Variants in TBC1D1 observed in about 807,000 individuals in gnomAD.
The protein encoded by TBC1D1 is TBC1 (tre-2/USP6, BUB2, cdc16) domain family, member 1.
Under a neutral mutation model 125.6 loss-of-function variants are expected in TBC1D1, and 89 were observed. That is an observed-to-expected ratio of 0.71 (90% CI 0.60 to 0.85). The LOEUF is 0.85. Ranked by LOEUF, TBC1D1 falls within the 40% of genes least tolerant of loss-of-function variation. The pLI is 0.00. For missense variants in TBC1D1, 1,377 were observed against 1,469.2 expected (o/e 0.94, Z 1.03); for synonymous variants, 565 against 564.1 (o/e 1.00, Z -0.02).
chr4:38,072,136 A>G (rs1477103044), intron 12 of TBC1D1, among the ~76,000 whole-genome samples: 4 of 152,336 alleles, frequency 2.6e-5, no homozygotes, highest in Admixed American at 2.6e-4. Flanking sequence ...TGCATAATGA[A>G]TGAGAGCTGG....
At chr4:38,111,982 CAT>C in intron 15 of TBC1D1, 1 of 985,318 alleles carries the variant, frequency 1.0e-6, no homozygotes, top group Non-Finnish European at 1.2e-6. Flanking sequence ...TTGGGAGTCT[CAT>C]AGAACACACT....
At chr4:38,067,637 A>G (rs969842473) in intron 12 of TBC1D1, among the ~76,000 whole-genome samples, 2 of 152,164 alleles carry the variant, frequency 1.3e-5, no homozygotes, top group African/African-American at 4.8e-5. Context: ...TCTGCCTGGC[A>G]CTGCTTGCCA....
chr4:37,913,888 A>G (rs1040531985), intron 2 of TBC1D1, among the ~76,000 whole-genome samples: 2 of 152,008 alleles, frequency 1.3e-5, no homozygotes, highest in African/African-American at 4.8e-5. Flanking sequence ...TGTGAGATAT[A>G]GTGGTCCCTT....
At chr4:38,110,979 C>G (rs1246801524) in intron 15 of TBC1D1, among the ~76,000 whole-genome samples, 1 of 152,214 alleles carries the variant, frequency 6.6e-6, no homozygotes, top group Non-Finnish European at 1.5e-5. Flanking sequence ...AGTAAACAGT[C>G]TTTTGCTCAT....
At chr4:37,915,356 AC>A (rs1302526950) in intron 2 of TBC1D1, among the ~76,000 whole-genome samples, 9 of 152,178 alleles carry the variant, frequency 5.9e-5, no homozygotes, top group Non-Finnish European at 1.0e-4. Context: ...CAAGCTGGAT[AC>A]CCAGGTAAGC....
At chr4:38,084,030 C>T (rs1228821319) in intron 12 of TBC1D1, among the ~76,000 whole-genome samples, 2 of 151,486 alleles carry the variant, frequency 1.3e-5, no homozygotes, top group Non-Finnish European at 2.9e-5. Context: ...CTCCGCCTCC[C>T]GGGTTCATGC....
At chr4:38,013,178 T>G (rs892211661) in intron 2 of TBC1D1, among the ~76,000 whole-genome samples, 4 of 152,178 alleles carry the variant, frequency 2.6e-5, no homozygotes, top group Non-Finnish European at 5.9e-5. Flanking sequence ...TTTTGACTCT[T>G]TGTGTGATAA....
chr4:37,970,648 C>G (rs1196503248), intron 2 of TBC1D1, among the ~76,000 whole-genome samples: 1 of 152,238 alleles, frequency 6.6e-6, no homozygotes, highest in Non-Finnish European at 1.5e-5. Flanking sequence ...TTTTCCCTGC[C>G]TGAGCTTCCC....
intron 14 of TBC1D1, among the ~76,000 whole-genome samples, chr4:38,098,566 C>T (rs75744078): frequency 0.021 from 3,266 of 152,242 alleles, 54 homozygotes; most frequent in South Asian, 0.055. Context: ...CCTGGAATTT[C>T]CTTATGTGTT....
At chr4:38,018,862 C>G (rs184034080) in intron 4 of TBC1D1, among the ~76,000 whole-genome samples, 1 of 152,062 alleles carries the variant, frequency 6.6e-6, no homozygotes, top group Non-Finnish European at 1.5e-5. Flanking sequence ...AGTATTCTCC[C>G]TTCAAATATA....
At chr4:37,969,480 T>C (rs1731648912) in intron 2 of TBC1D1, among the ~76,000 whole-genome samples, 1 of 152,214 alleles carries the variant, frequency 6.6e-6, no homozygotes. Flanking sequence ...GTAGCTGAGA[T>C]TACAGGCATC....
intron 2 of TBC1D1, among the ~76,000 whole-genome samples, chr4:37,947,427 G>C (rs1165831731): frequency 6.6e-6 from 1 of 152,090 alleles, no homozygotes; most frequent in Non-Finnish European, 1.5e-5. Context: ...AAAGTGCTGA[G>C]ATTACAGGCA....
At chr4:38,052,883 G>A (rs1751015965) in intron 11 of TBC1D1, among the ~76,000 whole-genome samples, 1 of 151,808 alleles carries the variant, frequency 6.6e-6, no homozygotes, top group Non-Finnish European at 1.5e-5. Flanking sequence ...GAAAATGGAT[G>A]GATTTTCTTT....
Position 38,014,484 on chromosome 4 carries a change from A to G in TBC1D1, c.418-25A>G, listed in dbSNP as rs1742199100. 5.6e-6 allele frequency: 9 copies of G among 1,602,298 alleles called. No individual in the cohort carries two copies. Among genetic ancestry groups the G allele is most frequent in the Admixed American group, 1.7e-5 (1 of 59,834 alleles). ...GTGCCAGCCACACTGCATGTTCCAAATAACACGCCTCTCTCTCTCCTCAGG... is the reference window on the plus strand; with the variant it reads ...GTGCCAGCCACACTGCATGTTCCAAGTAACACGCCTCTCTCTCTCCTCAGG... On this transcript the variant is annotated intron_variant, in intron 2 of 19. Coordinates refer to ENST00000261439, the MANE Select transcript of TBC1D1 (RefSeq NM_015173.4). The surrounding 1 kb of genome is among the most constrained non-coding windows in gnomAD (Gnocchi z 5.1).
chr4:38,017,851 G>A (rs530489625), intron 3 of TBC1D1, among the ~76,000 whole-genome samples: 1 of 152,162 alleles, frequency 6.6e-6, no homozygotes, highest in Non-Finnish European at 1.5e-5. Context: ...ATGTCTATTA[G>A]CATGTCCCAA....
chr4:37,997,932 G>A (rs909539352), intron 2 of TBC1D1, among the ~76,000 whole-genome samples: 1 of 152,156 alleles, frequency 6.6e-6, no homozygotes, highest in South Asian at 2.1e-4. Flanking sequence ...TCTTTGAGAA[G>A]AGAAAACCCA....
At chr4:38,089,426 G>A (rs1162430160) in intron 12 of TBC1D1, among the ~76,000 whole-genome samples, 1 of 152,190 alleles carries the variant, frequency 6.6e-6, no homozygotes, top group Non-Finnish European at 1.5e-5. Context: ...CCAGACTGTT[G>A]GGTTCCAGTC....
At chr4:37,980,948 C>CTT (rs58830277) in intron 2 of TBC1D1, among the ~76,000 whole-genome samples, 29 of 146,754 alleles carry the variant, frequency 2.0e-4, no homozygotes, top group South Asian at 4.3e-4. Context: ...AAAAAGGAAT[C>CTT]TTTTTTTTTT....
intron 2 of TBC1D1, among the ~76,000 whole-genome samples, chr4:37,915,766 C>T (rs1450747843): frequency 6.6e-6 from 1 of 152,164 alleles, no homozygotes; most frequent in South Asian, 2.1e-4. Context: ...TTCATCAGGA[C>T]AGACTCCTGT....
Sources: gnomAD v4.1 joint callset for allele counts (sites outside exome capture counted in the v4.1 genomes callset) on GRCh38, gnomAD v4.1.1 for gene constraint, Gnocchi (gnomAD v3.1) non-coding constraint, MANE v1.5 for transcripts, NCBI Gene and HGNC (gene_info 2026-07-23, HGNC 2026-07-21) for gene names.